Variants in PRKG1 observed in about 807,000 individuals in gnomAD.
The protein encoded by PRKG1 is protein kinase cGMP-dependent 1, also known as cGMP-dependent protein kinase 1.
Under a neutral mutation model 88.1 loss-of-function variants are expected in PRKG1, and 35 were observed. The observed-to-expected ratio is 0.40, with a 90% confidence interval of 0.30 to 0.53. The LOEUF (loss-of-function observed/expected upper bound fraction) is 0.53, where lower values mean the gene tolerates loss of function less well. Among genes scored for constraint, PRKG1 ranks in the 20% least tolerant of loss-of-function variants. The pLI, the probability that PRKG1 is intolerant of heterozygous loss-of-function variation, is 0.59. For synonymous variants in PRKG1, 303 were observed against 292.5 expected (o/e 1.04, Z -0.37); for missense variants, 540 against 839.8 (o/e 0.64, Z 4.41).
chr10:51,700,333 TAAC>T (rs1440775775), intron 3 of PRKG1, among the ~76,000 whole-genome samples: 2 of 152,316 alleles, frequency 1.3e-5, no homozygotes, highest in East Asian at 1.9e-4. Flanking sequence ...TCTTCCTTAA[TAAC>T]AACCGATTTC....
chr10:51,120,131 T>C (rs1405755260), intron 1 of PRKG1, among the ~76,000 whole-genome samples: 2 of 152,264 alleles, frequency 1.3e-5, no homozygotes, highest in African/African-American at 2.4e-5. Flanking sequence ...TGAAAGATAG[T>C]TGTGGAACAG....
intron 2 of PRKG1, among the ~76,000 whole-genome samples, chr10:51,405,928 A>G (rs1034123051): frequency 5.9e-5 from 9 of 152,138 alleles, no homozygotes; most frequent in African/African-American, 2.2e-4. Flanking sequence ...TAGTTCTCTC[A>G]TCTGGCAACA....
rs147156543 is a variant in PRKG1 at position 51,666,053 on chromosome 10, G to T, written c.593-138532G>T. On this transcript the variant is annotated intron_variant, in intron 3 of 17. Coordinates refer to ENST00000373980, the MANE Select transcript of PRKG1 (RefSeq NM_006258.4). ...GTAAATGAGCTTTAAATGATCAATAGCCTTAGAGAAATTAATGGAAATCAA... is the reference window on the plus strand; with the variant it reads ...GTAAATGAGCTTTAAATGATCAATATCCTTAGAGAAATTAATGGAAATCAA... 5.3e-3 allele frequency among the ~76,000 whole-genome samples: 806 copies of T among 152,202 alleles called. 7 individuals are homozygous for T. The highest frequency in any genetic ancestry group is 0.019 in the African/African-American group (774 of 41,538).
At chr10:51,103,662 A>G (rs1218786848) in intron 1 of PRKG1, among the ~76,000 whole-genome samples, 2 of 152,178 alleles carry the variant, frequency 1.3e-5, no homozygotes, top group Non-Finnish European at 2.9e-5. Context: ...AGCTGAATCA[A>G]GAGTGAGGTG....
At chr10:51,891,008 T>TTTGGGAGA (rs1300567734) in intron 4 of PRKG1, among the ~76,000 whole-genome samples, 1 of 152,062 alleles carries the variant, frequency 6.6e-6, no homozygotes, top group African/African-American at 2.4e-5. Context: ...ATTCCTGTAA[T>TTTGGGAGA]CCCAGCATTT....
chr10:51,895,545 T>A (rs1841823746), intron 4 of PRKG1, among the ~76,000 whole-genome samples: 1 of 152,134 alleles, frequency 6.6e-6, no homozygotes, highest in Non-Finnish European at 1.5e-5. Flanking sequence ...TGGACTGATT[T>A]TGGTAGACAA....
intron 3 of PRKG1, among the ~76,000 whole-genome samples, chr10:51,759,031 CT>C (rs1174104813): frequency 1.3e-5 from 2 of 152,070 alleles, no homozygotes; most frequent in African/African-American, 4.8e-5. Context: ...TGAACTCATC[CT>C]TTTTTATGGC....
At chr10:51,401,857 T>A (rs1263182335) in intron 2 of PRKG1, among the ~76,000 whole-genome samples, 1 of 152,182 alleles carries the variant, frequency 6.6e-6, no homozygotes, top group Non-Finnish European at 1.5e-5. Flanking sequence ...CCTTTCTGAG[T>A]CACTAGCTGA....
chr10:51,478,442 C>G (rs1840262165), intron 3 of PRKG1, among the ~76,000 whole-genome samples: 1 of 151,942 alleles, frequency 6.6e-6, no homozygotes, highest in Non-Finnish European at 1.5e-5. Context: ...AACTGGCCCC[C>G]TTGATGATTC....
intron 5 of PRKG1, among the ~76,000 whole-genome samples, chr10:51,941,202 T>G (rs1222575922): frequency 1.3e-5 from 2 of 151,982 alleles, no homozygotes; most frequent in Non-Finnish European, 2.9e-5. Flanking sequence ...TGTATTTTCT[T>G]ATGCTTTCTT....
chr10:51,908,734 A>ATATATATATATATATTTT (rs563212069), intron 5 of PRKG1: 78 of 52,198 alleles, frequency 1.5e-3, no homozygotes, highest in East Asian at 5.5e-3. Context: ...TCTATATGTA[A>ATATATATATATATATTTT]TTTTTTTTTT....
intron 2 of PRKG1, among the ~76,000 whole-genome samples, chr10:51,176,566 A>G (rs1468234411): frequency 6.6e-6 from 1 of 152,210 alleles, no homozygotes; most frequent in Non-Finnish European, 1.5e-5. Context: ...AAATAAGACA[A>G]TCAAAAATTG....
intron 1 of PRKG1, among the ~76,000 whole-genome samples, chr10:51,003,295 T>A (rs185651452): frequency 7.0e-4 from 106 of 152,330 alleles, no homozygotes; most frequent in African/African-American, 2.4e-3. Flanking sequence ...TAGTTTGTTA[T>A]CTAGGCCAAG....
chr10:51,409,279 G>A (rs1334803578), intron 2 of PRKG1, among the ~76,000 whole-genome samples: 1 of 152,118 alleles, frequency 6.6e-6, no homozygotes, highest in Non-Finnish European at 1.5e-5. Context: ...TGAGGCCATC[G>A]ATGCAGGCTG....
At chr10:51,848,966 C>A (rs16924109) in intron 4 of PRKG1, among the ~76,000 whole-genome samples, 1 of 151,338 alleles carries the variant, frequency 6.6e-6, no homozygotes, top group Non-Finnish European at 1.5e-5. Context: ...CATTTTATTG[C>A]TAGAAACCTT....
intron 2 of PRKG1, among the ~76,000 whole-genome samples, chr10:51,392,840 C>T (rs1471846095): frequency 2.1e-5 from 3 of 143,332 alleles, no homozygotes; most frequent in East Asian, 2.2e-4. Flanking sequence ...CCAGACAGGG[C>T]GGCTGGCCGG....
chr10:52,147,779 G>C (rs1294073006), intron 8 of PRKG1, among the ~76,000 whole-genome samples: 1 of 152,084 alleles, frequency 6.6e-6, no homozygotes, highest in Non-Finnish European at 1.5e-5. Flanking sequence ...AAAAGGGAAA[G>C]GTCATAGATA....
chr10:51,640,885 C>A (rs1223244695), intron 3 of PRKG1, among the ~76,000 whole-genome samples: 1 of 152,088 alleles, frequency 6.6e-6, no homozygotes, highest in Non-Finnish European at 1.5e-5. Flanking sequence ...AATATTTATT[C>A]TCTCTAAATA....
At chr10:51,248,323 G>A (rs1839344725) in intron 2 of PRKG1, among the ~76,000 whole-genome samples, 1 of 151,758 alleles carries the variant, frequency 6.6e-6, no homozygotes, top group South Asian at 2.1e-4. Context: ...GTTTCTTCTA[G>A]GTCTTGTTTC....
Sources: gnomAD v4.1 joint callset for allele counts (sites outside exome capture counted in the v4.1 genomes callset) on GRCh38, gnomAD v4.1.1 for gene constraint, MANE v1.5 for transcripts, NCBI Gene and HGNC (gene_info 2026-07-23, HGNC 2026-07-21) for gene names.